Variants in ANXA7 observed in about 807,000 individuals in gnomAD.
ANXA7 encodes the protein annexin A7.
ANXA7 carries 55 observed loss-of-function variants against 64.9 expected under a neutral mutation model. That is an observed-to-expected ratio of 0.85 (90% confidence interval 0.68 to 1.06). The LOEUF is 1.06. Ranked by LOEUF, ANXA7 falls within the 50% of genes least tolerant of loss-of-function variation. The pLI is 0.00. For synonymous variants in ANXA7, 200 were observed against 192.4 expected, an observed-to-expected ratio of 1.04 and a Z score of -0.33; for missense variants, 548 against 582.1, an observed-to-expected ratio of 0.94 and a Z score of 0.60.
intron 1 of ANXA7, among the ~76,000 whole-genome samples, chr10:73,412,351 T>A (rs2055857832): frequency 6.6e-6 from 1 of 152,076 alleles, no homozygotes; most frequent in African/African-American, 2.4e-5. Flanking sequence ...TACTTTTCAA[T>A]GTACTTTAGC....
rs1224720360 is a variant in ANXA7 at position 73,380,054 on chromosome 10, C to T, written c.1066G>A (p.Ala356Thr). The change falls in exon 10 of 13, where the codon GCT becomes ACT. Residue 356 changes from alanine (A) to threonine (T), a missense_variant. Ala to Thr is a moderately conservative substitution (Grantham distance 58, BLOSUM62 0). Transcript: ENST00000372921. The stretch of plus-strand genomic sequence containing the variant: ...ACCCTAGAATAAGCCTCCATGGTAG[C>T]TCTCAGCTGAGGAAAGCTTCTTGTG... ...LATRSFPQLR[A>T]TMEAYSRMAN... The T allele has an allele frequency of 1.2e-6, 2 of 1,614,040 alleles. No individual in the cohort carries two copies. The highest frequency in any genetic ancestry group is 1.3e-5 in the African/African-American group (1 of 74,926).
chr10:73,382,451 T>A lies in ANXA7; in HGVS notation c.918+724A>T, dbSNP rs568859466. 2.0e-5 allele frequency among the ~76,000 whole-genome samples: 3 copies of A among 152,244 alleles called. 1 individual carries two copies. In the South Asian group the frequency reaches 6.2e-4, roughly 32 times the overall value. On this transcript the variant is annotated intron_variant, in intron 9 of 12. Transcript: ENST00000372921. ...TCAATCTCCTGGGCTCAAGTGATCCTCCCACTGAACTTCCTGAATAGCTGG... is the reference window on the plus strand; with the variant it reads ...TCAATCTCCTGGGCTCAAGTGATCCACCCACTGAACTTCCTGAATAGCTGG...
At chr10:73,378,346 C>A (rs2055219277) in intron 12 of ANXA7, among the ~76,000 whole-genome samples, 1 of 143,720 alleles carries the variant, frequency 7.0e-6, no homozygotes, top group African/African-American at 2.6e-5. Flanking sequence ...CCACTGCACT[C>A]CAGTCTGGGT....
At chr10:73,378,013 C>T (rs1024234800) in intron 12 of ANXA7, among the ~76,000 whole-genome samples, 1 of 151,594 alleles carries the variant, frequency 6.6e-6, no homozygotes, top group Admixed American at 6.6e-5. Flanking sequence ...AGCAATCCTC[C>T]CGCCTTGGCC....
intron 5 of ANXA7, chr10:73,396,099 T>C: frequency 6.3e-7 from 1 of 1,588,320 alleles, no homozygotes; most frequent in Non-Finnish European, 8.6e-7. Context: ...AGAAAAAGAA[T>C]CTGTATTGAT....
In ANXA7 at chr10:73,383,626, A is replaced by C. The variant is rs1329577503; in HGVS notation, c.698T>G (p.Phe233Cys). The change falls in exon 8 of 13, where the codon TTC becomes TGC. Residue 233 changes from phenylalanine (F) to cysteine (C), a missense_variant. Transcript: ENST00000372921. ...GNMEELILAL[F>C]MPPTYYDAWS... is the part of the protein sequence containing the mutation. ...GGCATCGTAATACGTAGGAGGCATG[A>C]AGAGGGCCAGGATCAGTTCTTCCAT... is the stretch of plus-strand genomic sequence containing the variant. The C allele has an allele frequency of 6.2e-7, 1 of 1,613,986 alleles. No individual in the cohort carries two copies. The highest frequency in any genetic ancestry group is 1.1e-5 in the South Asian group (1 of 91,082).
chr10:73,392,069 C>T (rs962981627), intron 5 of ANXA7, among the ~76,000 whole-genome samples: 9 of 152,116 alleles, frequency 5.9e-5, no homozygotes, highest in Non-Finnish European at 1.2e-4. Context: ...ATAGGATGAA[C>T]ACCTCTATGC....
rs1370699267 is a variant in ANXA7, at chr10:73,376,166, G to C, written c.1330C>G (p.Leu444Val). The change falls in exon 13 of 13, where the codon CTG becomes GTG. Residue 444 changes from leucine to valine, a missense_variant. By Grantham distance (32) the Leu-to-Val change is conservative. Transcript: ENST00000372921. The part of the protein sequence containing the change: ...QMFAQMYQKT[L>V]GTMIAGDTSG... ...GTGTCACCTGCAATCATTGTGCCCAGAGTCTTCTGATACATCTGAGCGAAC... is the reference window on the plus strand; with the variant it reads ...GTGTCACCTGCAATCATTGTGCCCACAGTCTTCTGATACATCTGAGCGAAC... 8.1e-6 allele frequency: 13 copies of C among 1,607,654 alleles called. No homozygotes were observed. In the South Asian group the frequency reaches 1.2e-4, roughly 15 times the overall value.
chr10:73,394,723 G>A (rs372232000), intron 5 of ANXA7, among the ~76,000 whole-genome samples: 4 of 152,240 alleles, frequency 2.6e-5, no homozygotes, highest in African/African-American at 7.2e-5. Flanking sequence ...GGTTGGGGTG[G>A]TGGGGAGGGA....
intron 1 of ANXA7, among the ~76,000 whole-genome samples, chr10:73,405,749 A>C (rs2055746530): frequency 6.6e-6 from 1 of 152,156 alleles, no homozygotes; most frequent in Non-Finnish European, 1.5e-5. Flanking sequence ...TGCAAGGCAA[A>C]AGGTGAGACG....
intron 9 of ANXA7, among the ~76,000 whole-genome samples, chr10:73,382,431 C>A (rs2055291023): frequency 6.6e-6 from 1 of 152,132 alleles, no homozygotes; most frequent in Admixed American, 6.6e-5. Flanking sequence ...CAGCCTCAAT[C>A]TCCTGGGCTC....
intron 1 of ANXA7, among the ~76,000 whole-genome samples, chr10:73,404,279 A>G (rs1321693311): frequency 1.3e-5 from 2 of 152,220 alleles, no homozygotes; most frequent in Non-Finnish European, 2.9e-5. Context: ...ATCAGCAAAC[A>G]TAACACTGGA....
intron 1 of ANXA7, among the ~76,000 whole-genome samples, chr10:73,410,781 CAAA>C (rs536548150): frequency 0.084 from 4,995 of 59,342 alleles, 271 homozygotes; most frequent in African/African-American, 0.21. Flanking sequence ...GACTCCATCT[CAAA>C]AAAAAAAAAA....
chr10:73,376,078 A>G lies in ANXA7; in HGVS notation c.*17T>C. 6.6e-7 allele frequency: 1 copy of G among 1,504,086 alleles called. No homozygotes were observed. Among genetic ancestry groups the G allele is most frequent in the Non-Finnish European group, 8.9e-7 (1 of 1,126,292 alleles). 93.2% of individuals were successfully genotyped at this position (1,504,086 alleles called of 1,614,324 possible). ...ATGAATAGAAATTTTTTTTCATTAAAAAAAAAAAAATCCCTCCTACTGGCC... is the reference window on the plus strand; with the variant it reads ...ATGAATAGAAATTTTTTTTCATTAAGAAAAAAAAAATCCCTCCTACTGGCC... On this transcript the variant is annotated 3_prime_UTR_variant, in exon 13 of 13. Transcript: ENST00000372921.
intron 5 of ANXA7, among the ~76,000 whole-genome samples, chr10:73,394,154 C>T (rs1264811328): frequency 2.6e-5 from 4 of 152,174 alleles, no homozygotes; most frequent in Non-Finnish European, 5.9e-5. Flanking sequence ...ATCAAAACCA[C>T]AATGAGATAT....
chr10:73,388,257 C>T, intron 6 of ANXA7, 55 bp downstream of exon 6: 1 of 1,344,018 alleles, frequency 7.4e-7, no homozygotes, highest in Non-Finnish European at 1.1e-6. Context: ...TTTATTTTTA[C>T]TTTAGAACTG....
At chr10:73,394,668 C>T (rs1306863528) in intron 5 of ANXA7, among the ~76,000 whole-genome samples, 2 of 152,098 alleles carry the variant, frequency 1.3e-5, no homozygotes, top group Admixed American at 6.6e-5. Flanking sequence ...AATGAGAACA[C>T]TTGGACACAG....
At chr10:73,399,960 G>A (rs1008787298) in intron 2 of ANXA7, among the ~76,000 whole-genome samples, 1 of 151,996 alleles carries the variant, frequency 6.6e-6, no homozygotes, top group African/African-American at 2.4e-5. Flanking sequence ...TGGCCAACAT[G>A]GTGAAATTCC....
chr10:73,400,323 C>T (rs977443852), intron 2 of ANXA7, among the ~76,000 whole-genome samples: 8 of 151,754 alleles, frequency 5.3e-5, no homozygotes, highest in Non-Finnish European at 1.0e-4. Context: ...CTAGCCAAGC[C>T]GTTAATTATT....
Sources: gnomAD v4.1 joint callset for allele counts (sites outside exome capture counted in the v4.1 genomes callset) on GRCh38, gnomAD v4.1.1 for gene constraint, MANE v1.5 for transcripts, NCBI Gene and HGNC (gene_info 2026-07-23, HGNC 2026-07-21) for gene names.